Variants in BICD1 observed in about 807,000 individuals in gnomAD.
BICD1 encodes the protein protein bicaudal D homolog 1.
In BICD1, 35 loss-of-function variants were observed where a neutral mutation model predicts 92.5. That is an observed-to-expected ratio of 0.38 (90% CI 0.29 to 0.50). The LOEUF (loss-of-function observed/expected upper bound fraction) is 0.50. Ranked by LOEUF, BICD1 falls within the 20% of genes least tolerant of loss-of-function variation. BICD1 has a pLI of 0.93. For missense variants in BICD1, 950 were observed against 1,189.8 expected (o/e 0.80, Z 2.97); for synonymous variants, 429 against 465.1 (o/e 0.92, Z 1.00).
intron 1 of BICD1, among the ~76,000 whole-genome samples, chr12:32,116,167 A>AT (rs35776518): frequency 0.51 from 77,498 of 151,252 alleles, 20,034 homozygotes; most frequent in Middle Eastern, 0.67. Context: ...AATGTCTATG[A>AT]TTTTTTTTTA....
intron 1 of BICD1, among the ~76,000 whole-genome samples, chr12:32,209,852 A>G (rs1339145087): frequency 2.6e-5 from 4 of 152,220 alleles, no homozygotes; most frequent in Non-Finnish European, 4.4e-5. Context: ...ATCCCTGTCC[A>G]ACATAGTAGT....
chr12:32,177,441 CTT>C (rs148215433), intron 1 of BICD1, among the ~76,000 whole-genome samples: 2 of 136,536 alleles, frequency 1.5e-5, no homozygotes, highest in Admixed American at 7.5e-5. Context: ...GTTTCTGGGA[CTT>C]TTTTTTTTTT....
At chr12:32,293,118 C>T (rs1008236759) in intron 2 of BICD1, among the ~76,000 whole-genome samples, 1 of 152,162 alleles carries the variant, frequency 6.6e-6, no homozygotes, top group African/African-American at 2.4e-5. Context: ...TTATAAGTCA[C>T]CGCTATTGAC....
chr12:32,130,336 T>C (rs921964202), intron 1 of BICD1, among the ~76,000 whole-genome samples: 1 of 152,092 alleles, frequency 6.6e-6, no homozygotes, highest in Non-Finnish European at 1.5e-5. Context: ...CCCAAGTAGC[T>C]GGGACTACAG....
chr12:32,114,107 G>A (rs1333372024), intron 1 of BICD1, among the ~76,000 whole-genome samples: 4 of 152,008 alleles, frequency 2.6e-5, no homozygotes, highest in Non-Finnish European at 5.9e-5. Flanking sequence ...TTCTGACCTC[G>A]TGATCCACCC....
intron 1 of BICD1, among the ~76,000 whole-genome samples, chr12:32,215,741 G>A (rs972891322): frequency 4.6e-5 from 7 of 151,842 alleles, no homozygotes; most frequent in Admixed American, 1.3e-4. Context: ...CAAGGTCAGG[G>A]GATCGAAACC....
chr12:32,305,745 A>T lies in BICD1; in HGVS notation c.628A>T (p.Thr210Ser), dbSNP rs375970572. ...TGAGATTAAGCGATTTGAGGAGGAGACGGTACTGCTGAACAGCCAGCTGGA... is the reference window on the plus strand; with the variant it reads ...TGAGATTAAGCGATTTGAGGAGGAGTCGGTACTGCTGAACAGCCAGCTGGA... ...KHEIKRFEEE[T>S]VLLNSQLEDA... Residue 210 changes from threonine (T) to serine (S), a missense_variant, in exon 4 of 10, where the codon ACG becomes TCG. Physicochemically the swap from Thr to Ser is moderately conservative, Grantham distance 58. Around this residue, in one of 5 missense-constraint regions of BICD1, gnomAD observed 246 missense variants for 258.4 expected, o/e 0.95. Transcript: ENST00000652176. 2.4e-5 allele frequency: 39 copies of T among 1,614,096 alleles called. No individual in the cohort carries two copies. The highest frequency in any genetic ancestry group is 3.1e-5 in the Non-Finnish European group (37 of 1,180,030).
intron 4 of BICD1, among the ~76,000 whole-genome samples, chr12:32,308,493 G>A (rs962198141): frequency 6.6e-6 from 1 of 152,204 alleles, no homozygotes; most frequent in Non-Finnish European, 1.5e-5. Context: ...CTAGTGCACA[G>A]TAAATGCTCA....
intron 8 of BICD1, among the ~76,000 whole-genome samples, chr12:32,348,576 C>A (rs143548004): frequency 0.012 from 1,771 of 151,658 alleles, 32 homozygotes; most frequent in African/African-American, 0.04. Context: ...AGGATAGCGG[C>A]CTTCAGAAGG....
chr12:32,200,684 A>C (rs1944880508), intron 1 of BICD1, among the ~76,000 whole-genome samples: 1 of 152,206 alleles, frequency 6.6e-6, no homozygotes, highest in Admixed American at 6.5e-5. Flanking sequence ...TATATGCAAT[A>C]GTGAATAATG....
At chr12:32,196,509 T>C (rs933879228) in intron 1 of BICD1, among the ~76,000 whole-genome samples, 1 of 152,224 alleles carries the variant, frequency 6.6e-6, no homozygotes, top group African/African-American at 2.4e-5. Context: ...GACATGATGG[T>C]AAGTAAAATA....
rs191714229 is a variant in BICD1, at chr12:32,230,102, G to A, written c.426+13643G>A. Among the ~76,000 whole-genome samples, 34 of 152,260 alleles carry A rather than the reference G, an allele frequency of 2.2e-4. 1 individual carries two copies. The highest frequency in any genetic ancestry group is 1.9e-3 in the Admixed American group (29 of 15,284). Reference sequence around the variant, plus strand: ...CTTCCATCTCCTCACTGCGGTGGAAGCAAGGTCAGCAGCTGAGAGGGAAGG... The same window carrying A: ...CTTCCATCTCCTCACTGCGGTGGAAACAAGGTCAGCAGCTGAGAGGGAAGG... On this transcript the variant is annotated intron_variant, in intron 2 of 9. Coordinates refer to ENST00000652176, the MANE Select transcript of BICD1 (RefSeq NM_001714.4).
chr12:32,127,240 A>G (rs2121272017), intron 1 of BICD1, among the ~76,000 whole-genome samples: 1 of 152,326 alleles, frequency 6.6e-6, no homozygotes, highest in Non-Finnish European at 1.5e-5. Context: ...AGTCATAAAA[A>G]CATGCACCTA....
intron 1 of BICD1, among the ~76,000 whole-genome samples, chr12:32,185,165 G>A (rs1173095193): frequency 2.0e-5 from 3 of 152,130 alleles, no homozygotes; most frequent in Non-Finnish European, 4.4e-5. Context: ...AATTTCACAA[G>A]CAAAGAAGTC....
chr12:32,306,574 G>A (rs2593993), intron 4 of BICD1, among the ~76,000 whole-genome samples: 57,728 of 151,822 alleles, frequency 0.38, 11,748 homozygotes, highest in Middle Eastern at 0.48. Context: ...TGCTTCTTCA[G>A]CTAGAAACTT....
At position 32,189,181 on chromosome 12, in the gene BICD1, A is replaced by T. The variant is rs555856722; in HGVS notation, c.214-27066A>T. On this transcript the variant is annotated intron_variant, in intron 1 of 9. Transcript: ENST00000652176. ...GATCTGAAAGCAGCTTATTGAGGAC[A>T]TGCAGTTAGAACTTAAGAAGAATGT... is the stretch of plus-strand genomic sequence containing the variant. Among the ~76,000 whole-genome samples, 4 of 152,354 alleles carry T rather than the reference A, an allele frequency of 2.6e-5. No individual in the cohort carries two copies. In the East Asian group the frequency reaches 7.7e-4, roughly 29 times the overall value.
At chr12:32,195,473 C>G (rs1944700951) in intron 1 of BICD1, among the ~76,000 whole-genome samples, 1 of 152,118 alleles carries the variant, frequency 6.6e-6, no homozygotes, top group Admixed American at 6.5e-5. Context: ...AGAAATAAAC[C>G]CAAACATATA....
intron 2 of BICD1, among the ~76,000 whole-genome samples, chr12:32,284,828 G>A (rs1947520465): frequency 6.6e-6 from 1 of 152,172 alleles, no homozygotes; most frequent in Non-Finnish European, 1.5e-5. Context: ...GAACTTTAAA[G>A]ATTCCAAGCA....
intron 2 of BICD1, among the ~76,000 whole-genome samples, chr12:32,260,542 T>TA (rs1337317692): frequency 6.6e-6 from 1 of 152,204 alleles, no homozygotes; most frequent in Non-Finnish European, 1.5e-5. Context: ...GATATGCATA[T>TA]ACATATACAT....
Sources: allele counts gnomAD v4.1 joint callset (sites outside exome capture counted in the v4.1 genomes callset), GRCh38; gene constraint gnomAD v4.1.1; regional missense constraint gnomAD v4.1.1; transcripts MANE v1.5; gene names NCBI Gene and HGNC (gene_info 2026-07-23, HGNC 2026-07-21).